The following NPLOC4 variants were observed in gnomAD, a reference collection of about 807,000 sequenced individuals.
The protein encoded by NPLOC4 is nuclear protein localization protein 4 homolog.
A neutral mutation model predicts 80.6 loss-of-function variants in NPLOC4; 18 were observed. The observed-to-expected ratio is 0.22, with a 90% CI of 0.15 to 0.33. The LOEUF (loss-of-function observed/expected upper bound fraction) is 0.33, where lower values mean the gene tolerates loss of function less well. Ranked by LOEUF, NPLOC4 falls within the 10% of genes least tolerant of loss-of-function variation. NPLOC4 has a pLI of 1.00. For synonymous variants in NPLOC4, 313 were observed against 301.5 expected (o/e 1.04, Z -0.39); for missense variants, 540 against 786.1 (o/e 0.69, Z 3.74).
At chr17:81,579,573 C>T (rs914887765) in intron 12 of NPLOC4, among the ~76,000 whole-genome samples, 3 of 152,036 alleles carry the variant, frequency 2.0e-5, no homozygotes, top group Non-Finnish European at 4.4e-5. Flanking sequence ...AAACCTGCAT[C>T]CCATCGCTCC....
Position 81,592,532 on chromosome 17 carries a change from C to A in NPLOC4, c.1121-3428G>T, listed in dbSNP as rs570852251. Among the ~76,000 whole-genome samples, 1,154 of 152,184 alleles carry A rather than the reference C, an allele frequency of 7.6e-3. 24 individuals carry two copies. Among genetic ancestry groups the A allele is most frequent in the African/African-American group, 0.026 (1,098 of 41,506 alleles). ...CAGTTCTAAAACCTTTCAGTAAATA[C>A]CAATTCCAGAGGTGAAAAAAGCCCA... is the stretch of plus-strand genomic sequence containing the variant. On this transcript the variant is annotated intron_variant, in intron 11 of 16. Coordinates refer to ENST00000331134, the MANE Select transcript of NPLOC4 (RefSeq NM_017921.4).
At chr17:81,631,627 A>G (rs1219694299) in intron 1 of NPLOC4, among the ~76,000 whole-genome samples, 1 of 151,908 alleles carries the variant, frequency 6.6e-6, no homozygotes, top group Non-Finnish European at 1.5e-5. Flanking sequence ...GGAGGATGAC[A>G]TGGCATGCTC....
At chr17:81,605,763 T>A (rs1434974613) in intron 7 of NPLOC4, among the ~76,000 whole-genome samples, 1 of 152,150 alleles carries the variant, frequency 6.6e-6, no homozygotes, top group Non-Finnish European at 1.5e-5. Context: ...AATAATTCCA[T>A]TGTGATTTAA....
chr17:81,630,267 C>G (rs933628108), intron 1 of NPLOC4, among the ~76,000 whole-genome samples: 9 of 150,712 alleles, frequency 6.0e-5, no homozygotes, highest in South Asian at 4.2e-4. Flanking sequence ...TTAAAAGAAT[C>G]ACAGGAAATT....
At chr17:81,594,482 A>T (rs1309922760) in intron 11 of NPLOC4, among the ~76,000 whole-genome samples, 2 of 151,904 alleles carry the variant, frequency 1.3e-5, no homozygotes, top group South Asian at 2.1e-4. Context: ...TTCTACTAAA[A>T]ATTTAAAAAT....
intron 2 of NPLOC4, 59 bp from the exon 3 acceptor site, chr17:81,622,337 C>G: frequency 1.7e-6 from 2 of 1,154,972 alleles, no homozygotes; most frequent in Non-Finnish European, 2.6e-6. Context: ...ACTACACATA[C>G]CATACACACC....
chr17:81,567,803 C>A lies in NPLOC4; in HGVS notation c.1450-270G>T, dbSNP rs148435199. On this transcript the variant is annotated intron_variant, in intron 14 of 16. Coordinates refer to ENST00000331134, the MANE Select transcript of NPLOC4 (RefSeq NM_017921.4). The surrounding 1 kb of genome is among the most constrained non-coding windows in gnomAD (Gnocchi z 4.5). ...GCTTATAAAGCTGACTCAGACTGGC[C>A]AGGTGTGGAGGCTAACACAGTAATT... 1.2e-3 allele frequency: 452 copies of A among 372,010 alleles called. 2 individuals are homozygous for A. The highest frequency in any genetic ancestry group is 8.7e-3 in the African/African-American group (421 of 48,566). The allele number at this position is 372,010 out of a possible 1,614,324, so 23.0% of individuals were successfully genotyped here. A position where few individuals can be genotyped will look rare whatever the true frequency, so the allele number is the denominator to read the frequency against.
At chr17:81,630,064 T>C (rs540185840) in intron 1 of NPLOC4, among the ~76,000 whole-genome samples, 1 of 151,290 alleles carries the variant, frequency 6.6e-6, no homozygotes, top group South Asian at 2.1e-4. Context: ...TAATTCCTAA[T>C]CACTATTTAT....
Position 81,557,737 on chromosome 17 carries a change from C to T in NPLOC4, c.*1522G>A, listed in dbSNP as rs1359211621. On this transcript the variant is annotated 3_prime_UTR_variant, in exon 17 of 17. Coordinates refer to ENST00000331134, the MANE Select transcript of NPLOC4 (RefSeq NM_017921.4). ...GCAGCAGTCCGCTTCAACCCAGCTC[C>T]TCTCCACCCTTCCTGACCCTCCACA... is the stretch of plus-strand genomic sequence containing the variant. 1 of 152,324 alleles carries T rather than the reference C, an allele frequency of 6.6e-6. No homozygotes were observed. The highest frequency in any genetic ancestry group is 1.5e-5 in the Non-Finnish European group (1 of 68,096). 9.4% of individuals were successfully genotyped at this position (152,324 alleles called of 1,614,324 possible).
chr17:81,593,472 T>C (rs371846884), intron 11 of NPLOC4, among the ~76,000 whole-genome samples: 1 of 152,134 alleles, frequency 6.6e-6, no homozygotes, highest in South Asian at 2.1e-4. Context: ...TTTCCCCTGA[T>C]GTTACAGTTA....
At chr17:81,597,892 A>C (rs2034959319) in intron 9 of NPLOC4, among the ~76,000 whole-genome samples, 1 of 151,876 alleles carries the variant, frequency 6.6e-6, no homozygotes. Flanking sequence ...CAGGAGATCA[A>C]GACCATCCTG....
At chr17:81,623,296 C>T (rs914446990) in intron 2 of NPLOC4, among the ~76,000 whole-genome samples, 2 of 150,362 alleles carry the variant, frequency 1.3e-5, no homozygotes, top group African/African-American at 2.5e-5. Context: ...ATAGTGAAAC[C>T]GTCTCTACTA....
intron 1 of NPLOC4, 85 bp downstream of exon 1, chr17:81,636,831 C>A (rs1335057947): frequency 7.8e-7 from 1 of 1,286,180 alleles, no homozygotes; most frequent in Non-Finnish European, 9.9e-7. Flanking sequence ...GCGGCGCCGG[C>A]AGGCCCGCCT....
chr17:81,565,083 C>T, intron 16 of NPLOC4: 1 of 570,132 alleles, frequency 1.8e-6, no homozygotes, highest in Non-Finnish European at 3.1e-6. Context: ...CCACCAGCAA[C>T]AACATGGATG....
chr17:81,610,369 G>A, intron 4 of NPLOC4, 111 bp from the exon 5 acceptor site: 2 of 894,022 alleles, frequency 2.2e-6, no homozygotes, highest in Non-Finnish European at 3.6e-6. Context: ...TGCCCACGTG[G>A]AGTTATATTC....
At chr17:81,594,516 C>T (rs1409410568) in intron 11 of NPLOC4, among the ~76,000 whole-genome samples, 1 of 152,026 alleles carries the variant, frequency 6.6e-6, no homozygotes, top group African/African-American at 2.4e-5. Context: ...GTGGCTCACG[C>T]CTGTCATCCC....
chr17:81,635,955 TAAG>T (rs1432308886), intron 1 of NPLOC4, among the ~76,000 whole-genome samples: 1 of 151,140 alleles, frequency 6.6e-6, no homozygotes, highest in Non-Finnish European at 1.5e-5. Context: ...TTTTTTACGT[TAAG>T]GAGGAGTGTG....
Position 81,635,478 on chromosome 17 carries a change from G to A in NPLOC4, c.15+1438C>T, listed in dbSNP as rs1184270371. On this transcript the variant is annotated intron_variant, in intron 1 of 16. Transcript: ENST00000331134. ...CAAGAGGGCCCCTGACTGGAGAGAT[G>A]ATGGAACCACCAGAGAACAGCCTTG... 2.0e-5 allele frequency among the ~76,000 whole-genome samples: 3 copies of A among 151,986 alleles called. No individual in the cohort carries two copies. The East Asian group carries it at 5.8e-4, about 29-fold the overall frequency.
chr17:81,616,485 C>G (rs528928357), intron 3 of NPLOC4, among the ~76,000 whole-genome samples: 1 of 151,832 alleles, frequency 6.6e-6, no homozygotes, highest in Non-Finnish European at 1.5e-5. Context: ...AATCCCAGCA[C>G]GTTGGGAGGC....
Sources: allele counts gnomAD v4.1 joint callset (sites outside exome capture counted in the v4.1 genomes callset), GRCh38; gene constraint gnomAD v4.1.1; non-coding constraint Gnocchi (gnomAD v3.1); transcripts MANE v1.5; gene names NCBI Gene and HGNC (gene_info 2026-07-23, HGNC 2026-07-21).